The following FMN2 variants were observed in gnomAD, a reference collection of about 807,000 sequenced individuals.
FMN2 encodes the protein formin 2.
FMN2 carries 51 observed loss-of-function variants against 142.3 expected under a neutral mutation model. The observed-to-expected ratio is 0.36, with a 90% CI of 0.29 to 0.45. FMN2 has a LOEUF of 0.45. Ranked by LOEUF, FMN2 falls within the 20% of genes least tolerant of loss-of-function variation. The pLI is 1.00. For missense variants in FMN2, 1,936 were observed against 2,122.8 expected (o/e 0.91, Z 1.73); for synonymous variants, 882 against 869.8 (o/e 1.01, Z -0.25).
chr1:240,285,019 C>G (rs1452201487), intron 7 of FMN2, among the ~76,000 whole-genome samples: 1 of 152,028 alleles, frequency 6.6e-6, no homozygotes, highest in African/African-American at 2.4e-5. Flanking sequence ...TTTTCCTCTT[C>G]GTTTCCTTTT....
chr1:240,426,886 G>A (rs947533364), intron 15 of FMN2, among the ~76,000 whole-genome samples: 5 of 151,506 alleles, frequency 3.3e-5, no homozygotes, highest in Admixed American at 2.0e-4. Flanking sequence ...TTACAGGTGC[G>A]CACCACCATG....
Position 240,265,310 on chromosome 1 carries a change from A to G in FMN2, c.4153+7278A>G, listed in dbSNP as rs61829188. Among the ~76,000 whole-genome samples, 1,162 of 152,028 alleles carry G rather than the reference A, an allele frequency of 7.6e-3. 7 individuals carry two copies. The highest frequency in any genetic ancestry group is 0.014 in the Middle Eastern group (4 of 294). On this transcript the variant is annotated intron_variant, in intron 7 of 17. Transcript: ENST00000319653. ...AAATTCTTTTAACAAAATTATTAAC[A>G]GAGTTCCTTGCTCTTGATTGAACCA... is the stretch of plus-strand genomic sequence containing the variant.
chr1:240,330,825 G>A (rs1355430521), intron 11 of FMN2, 76 bp downstream of exon 11: 48 of 1,515,650 alleles, frequency 3.2e-5, no homozygotes, highest in Non-Finnish European at 4.2e-5. Flanking sequence ...TGAATGTAAA[G>A]CAGTTGTAAA....
chr1:240,179,928 C>T (rs758130976), intron 3 of FMN2, among the ~76,000 whole-genome samples: 2 of 152,092 alleles, frequency 1.3e-5, no homozygotes, highest in Non-Finnish European at 2.9e-5. Flanking sequence ...TTTTAGGGAA[C>T]TTTATAAAAC....
At chr1:240,145,422 AAT>A (rs1190731429) in intron 2 of FMN2, 3 of 455,894 alleles carry the variant, frequency 6.6e-6, no homozygotes, top group Non-Finnish European at 1.2e-5. Context: ...GATACATAGT[AAT>A]ATATATATGT....
rs1676892711 is a variant in FMN2 at position 240,473,948 on chromosome 1, A to C, written c.5143-180A>C. Among the ~76,000 whole-genome samples the C allele has an allele frequency of 7.3e-6, 1 of 137,854 alleles. No individual in the cohort carries two copies. The highest frequency in any genetic ancestry group is 2.5e-5 in the African/African-American group (1 of 40,646). 90.4% of individuals were successfully genotyped at this position (137,854 alleles called of 152,430 possible). A position where few individuals can be genotyped will look rare whatever the true frequency, so the allele number is the denominator to read the frequency against. The stretch of plus-strand genomic sequence containing the variant: ...GTATTTGGCGATTTGTCTTGATAAA[A>C]GTGCTCAAAGATAACACAGATCCCA... On this transcript the variant is annotated intron_variant, in intron 17 of 17. Transcript: ENST00000319653. The surrounding 1 kb of genome is among the most constrained non-coding windows in gnomAD (Gnocchi z 4.3).
chr1:240,145,429 A>T (rs1475419736), intron 2 of FMN2: 1 of 362,890 alleles, frequency 2.8e-6, no homozygotes, highest in Non-Finnish European at 4.9e-6. Context: ...AGTAATATAT[A>T]TATGTATATA....
At chr1:240,251,844 GTTA>G (rs900557194) in intron 6 of FMN2, among the ~76,000 whole-genome samples, 6 of 152,102 alleles carry the variant, frequency 3.9e-5, no homozygotes, top group Non-Finnish European at 8.8e-5. Flanking sequence ...TACATTCAAG[GTTA>G]TTATTGATAT....
At chr1:240,147,463 C>CTCTTTAGT (rs1056657718) in intron 2 of FMN2, among the ~76,000 whole-genome samples, 1 of 152,164 alleles carries the variant, frequency 6.6e-6, no homozygotes, top group African/African-American at 2.4e-5. Context: ...CCACTCTGCT[C>CTCTTTAGT]TCTTTAGTTC....
At chr1:240,107,823 A>T (rs1428198869) in intron 1 of FMN2, among the ~76,000 whole-genome samples, 1 of 152,092 alleles carries the variant, frequency 6.6e-6, no homozygotes, top group African/African-American at 2.4e-5. Context: ...TAGTACCGAG[A>T]ACTCTCTATA....
At chr1:240,247,696 C>T (rs550373793) in intron 6 of FMN2, among the ~76,000 whole-genome samples, 42 of 152,066 alleles carry the variant, frequency 2.8e-4, no homozygotes, top group African/African-American at 3.4e-4. Context: ...TGAGATGAAA[C>T]GGGTGGCTTT....
intron 14 of FMN2, among the ~76,000 whole-genome samples, chr1:240,391,613 T>A (rs1207453868): frequency 6.6e-6 from 1 of 152,144 alleles, no homozygotes; most frequent in East Asian, 1.9e-4. Context: ...TTTCAAACTG[T>A]GGGTCACAAA....
At chr1:240,153,507 A>C (rs1663876483) in intron 2 of FMN2, among the ~76,000 whole-genome samples, 1 of 150,158 alleles carries the variant, frequency 6.7e-6, no homozygotes, top group African/African-American at 2.4e-5. Flanking sequence ...CCACAGGTGC[A>C]TGCCACCATG....
chr1:240,194,455 A>G (rs1665838039), intron 4 of FMN2, among the ~76,000 whole-genome samples: 1 of 152,232 alleles, frequency 6.6e-6, no homozygotes, highest in South Asian at 2.1e-4. Context: ...TTTGATTTGT[A>G]CAGAGGTGAC....
At chr1:240,201,810 A>T (rs1666134620) in intron 4 of FMN2, among the ~76,000 whole-genome samples, 1 of 152,192 alleles carries the variant, frequency 6.6e-6, no homozygotes, top group African/African-American at 2.4e-5. Context: ...CAGGAACTGG[A>T]AACTATGCTA....
intron 1 of FMN2, among the ~76,000 whole-genome samples, chr1:240,099,858 C>T (rs151072234): frequency 7.1e-4 from 108 of 152,314 alleles, no homozygotes; most frequent in African/African-American, 2.5e-3. Context: ...TTGCCACCCT[C>T]TGCCTTTCCT....
chr1:240,348,216 T>G (rs76130943), intron 13 of FMN2, among the ~76,000 whole-genome samples: 2 of 112,144 alleles, frequency 1.8e-5, no homozygotes, highest in African/African-American at 4.1e-5. Context: ...ATATGTTGTT[T>G]TTTTTACTTT....
intron 4 of FMN2, among the ~76,000 whole-genome samples, chr1:240,203,134 T>G (rs1404378608): frequency 1.3e-5 from 2 of 152,194 alleles, no homozygotes; most frequent in Non-Finnish European, 2.9e-5. Context: ...GGGTGCTGGT[T>G]TTTTGGCTTC....
chr1:240,259,727 T>A (rs1391803532), intron 7 of FMN2, among the ~76,000 whole-genome samples: 1 of 152,110 alleles, frequency 6.6e-6, no homozygotes, highest in African/African-American at 2.4e-5. Flanking sequence ...ACAGAATTTA[T>A]CTAGACCTCC....
Sources: gnomAD v4.1 joint callset for allele counts (sites outside exome capture counted in the v4.1 genomes callset) on GRCh38, gnomAD v4.1.1 for gene constraint, Gnocchi (gnomAD v3.1) non-coding constraint, MANE v1.5 for transcripts, NCBI Gene and HGNC (gene_info 2026-07-23, HGNC 2026-07-21) for gene names.